The following RGS17 variants were observed in gnomAD, a reference collection of about 807,000 sequenced individuals.
RGS17 encodes regulator of G-protein signaling 17.
A neutral mutation model predicts 25.5 loss-of-function variants in RGS17; 12 were observed. The observed-to-expected ratio is 0.47, with a 90% confidence interval of 0.30 to 0.76. RGS17 has a LOEUF of 0.76. RGS17 is among the 30% of genes least tolerant of loss of function. The probability of loss-of-function intolerance (pLI) is 0.07; values close to 1 mark genes in which losing one functional copy is unlikely to be tolerated. For missense variants in RGS17, 196 were observed against 242.2 expected, an observed-to-expected ratio of 0.81 and a Z score of 1.27; for synonymous variants, 71 against 76.9, an observed-to-expected ratio of 0.92 and a Z score of 0.40.
At chr6:153,104,319 C>T (rs1777348113) in intron 1 of RGS17, among the ~76,000 whole-genome samples, 1 of 152,176 alleles carries the variant, frequency 6.6e-6, no homozygotes, top group Admixed American at 6.5e-5. Context: ...CTAGGTATCA[C>T]TAGGCCTGTT....
At chr6:153,020,873 G>A (rs1363774523) in intron 4 of RGS17, among the ~76,000 whole-genome samples, 1 of 152,182 alleles carries the variant, frequency 6.6e-6, no homozygotes, top group Admixed American at 6.5e-5. Context: ...TAACTGCCTT[G>A]AGTACTGTGT....
chr6:153,018,183 GGT>G (rs1428070059), intron 4 of RGS17, among the ~76,000 whole-genome samples: 1 of 151,866 alleles, frequency 6.6e-6, no homozygotes, highest in Non-Finnish European at 1.5e-5. Context: ...TCAGGCCTGT[GGT>G]TAAGGTTGCT....
At chr6:153,070,445 T>C (rs577998051) in intron 1 of RGS17, among the ~76,000 whole-genome samples, 2 of 152,146 alleles carry the variant, frequency 1.3e-5, no homozygotes, top group African/African-American at 4.8e-5. Context: ...GTTATGTCTA[T>C]GTATACAAGT....
intron 1 of RGS17, among the ~76,000 whole-genome samples, chr6:153,123,580 T>C (rs1326741848): frequency 6.6e-6 from 1 of 152,206 alleles, no homozygotes; most frequent in East Asian, 1.9e-4. Context: ...AACAAGTTGA[T>C]ATTGGAGATG....
intron 1 of RGS17, among the ~76,000 whole-genome samples, chr6:153,074,125 C>T (rs1776844893): frequency 6.6e-6 from 1 of 152,148 alleles, no homozygotes; most frequent in Non-Finnish European, 1.5e-5. Context: ...TTGTTTTCAG[C>T]GTTTAAAACA....
chr6:153,044,738 C>G (rs1356303723), intron 1 of RGS17, among the ~76,000 whole-genome samples: 2 of 152,174 alleles, frequency 1.3e-5, no homozygotes, highest in Non-Finnish European at 2.9e-5. Context: ...AGGGGAATTA[C>G]TCTGGTGGAA....
intron 1 of RGS17, among the ~76,000 whole-genome samples, chr6:153,089,042 C>G (rs1468105737): frequency 6.6e-6 from 1 of 152,138 alleles, no homozygotes; most frequent in African/African-American, 2.4e-5. Context: ...ATCTCAAGAA[C>G]TGCTCCCACC....
intron 1 of RGS17, among the ~76,000 whole-genome samples, chr6:153,122,005 CTG>C (rs1270968723): frequency 2.0e-5 from 3 of 152,148 alleles, no homozygotes; most frequent in Non-Finnish European, 4.4e-5. Context: ...ATTCACAAAA[CTG>C]GAAGTGGTTA....
rs114054034 is a variant in RGS17 at position 153,032,622 on chromosome 6, T to C, written c.120-6079A>G. On this transcript the variant is annotated intron_variant, in intron 2 of 4. Transcript: ENST00000206262. ...CATTCTCTTAAGGAGTTTTGATAAT[T>C]ATATCTTTCTAAGGAATCTAAAAGG... Among the ~76,000 whole-genome samples the C allele has an allele frequency of 5.5e-3, 830 of 152,202 alleles. 5 individuals carry two copies. Among genetic ancestry groups the C allele is most frequent in the African/African-American group, 0.019 (797 of 41,532 alleles).
chr6:153,094,735 A>T (rs1177950688), intron 1 of RGS17, among the ~76,000 whole-genome samples: 1 of 152,186 alleles, frequency 6.6e-6, no homozygotes, highest in Non-Finnish European at 1.5e-5. Context: ...TGGTCTCAAA[A>T]TAATTTTTTG....
intron 1 of RGS17, among the ~76,000 whole-genome samples, chr6:153,125,378 C>G (rs1356247867): frequency 6.6e-6 from 1 of 152,072 alleles, no homozygotes; most frequent in Non-Finnish European, 1.5e-5. Flanking sequence ...GTATAAAATA[C>G]TTCTATAATT....
At chr6:153,068,133 C>A (rs549834158) in intron 1 of RGS17, among the ~76,000 whole-genome samples, 61 of 152,252 alleles carry the variant, frequency 4.0e-4, no homozygotes, top group African/African-American at 1.3e-3. Context: ...AGATCCCTAT[C>A]TTTCACCATA....
chr6:153,096,001 A>G (rs1359870946), intron 1 of RGS17, among the ~76,000 whole-genome samples: 1 of 152,198 alleles, frequency 6.6e-6, no homozygotes, highest in Admixed American at 6.5e-5. Flanking sequence ...GTTTTCAAGG[A>G]GCAAATAGTC....
At chr6:153,051,418 T>C (rs1414435848) in intron 1 of RGS17, among the ~76,000 whole-genome samples, 1 of 152,212 alleles carries the variant, frequency 6.6e-6, no homozygotes, top group Non-Finnish European at 1.5e-5. Flanking sequence ...GAAATATGGA[T>C]AGTAAAGGCC....
At chr6:153,087,356 A>G (rs1345948595) in intron 1 of RGS17, among the ~76,000 whole-genome samples, 4 of 152,220 alleles carry the variant, frequency 2.6e-5, no homozygotes, top group African/African-American at 9.6e-5. Context: ...GATGAAAAAT[A>G]TTTCACAACC....
At chr6:153,115,599 A>T (rs1293057721) in intron 1 of RGS17, among the ~76,000 whole-genome samples, 2 of 152,216 alleles carry the variant, frequency 1.3e-5, no homozygotes, top group Non-Finnish European at 2.9e-5. Flanking sequence ...GGAACCAAAA[A>T]AGAGCCCGTA....
intron 4 of RGS17, 82 bp downstream of exon 4, chr6:153,024,180 G>T: frequency 3.5e-6 from 3 of 860,814 alleles, no homozygotes; most frequent in Non-Finnish European, 3.8e-6. Flanking sequence ...CACACCCCAT[G>T]CCCTACCCAA....
At chr6:153,092,402 T>C (rs1194170032) in intron 1 of RGS17, among the ~76,000 whole-genome samples, 1 of 152,226 alleles carries the variant, frequency 6.6e-6, no homozygotes, top group Non-Finnish European at 1.5e-5. Context: ...TGAAGTTTCT[T>C]ACCAATATGT....
intron 1 of RGS17, among the ~76,000 whole-genome samples, chr6:153,094,018 T>C (rs937604352): frequency 8.9e-4 from 136 of 152,232 alleles, no homozygotes; most frequent in African/African-American, 3.2e-3. Context: ...ATATCTGGTA[T>C]CATCAATGGA....
Sources: gnomAD v4.1 joint callset for allele counts (sites outside exome capture counted in the v4.1 genomes callset) on GRCh38, gnomAD v4.1.1 for gene constraint, MANE v1.5 for transcripts, NCBI Gene and HGNC (gene_info 2026-07-23, HGNC 2026-07-21) for gene names.